SLC2A5: variants seen among roughly 807,000 people sequenced by gnomAD.
SLC2A5 encodes the protein solute carrier family 2 member 5.
In SLC2A5, 56 loss-of-function variants were observed where a neutral mutation model predicts 50.3. That is an observed-to-expected ratio of 1.11 (90% CI 0.90 to 1.39). SLC2A5 has a LOEUF of 1.39. Ranked by LOEUF, SLC2A5 falls within the 40% of genes most tolerant of loss-of-function variation. The pLI, the probability that SLC2A5 is intolerant of heterozygous loss-of-function variation, is 0.00. For missense variants in SLC2A5, 566 were observed against 650.1 expected (o/e 0.87, Z 1.41); for synonymous variants, 269 against 281.9 (o/e 0.95, Z 0.46).
intron 1 of SLC2A5, among the ~76,000 whole-genome samples, chr1:9,066,746 TGA>T (rs1642092796): frequency 6.6e-6 from 1 of 151,962 alleles, no homozygotes; most frequent in South Asian, 2.1e-4. Flanking sequence ...TTTGGGAGGC[TGA>T]GGCAGAAGGC....
chr1:9,078,986 GA>G (rs759553197), intron 2 of SLC2A5, among the ~76,000 whole-genome samples: 29 of 152,062 alleles, frequency 1.9e-4, no homozygotes, highest in Non-Finnish European at 2.4e-4. Context: ...GAAGGGAGAG[GA>G]GTGCATCCAG....
chr1:9,057,342 T>G, intron 3 of SLC2A5, 106 bp downstream of exon 3: 3 of 547,138 alleles, frequency 5.5e-6, no homozygotes, highest in Non-Finnish European at 8.8e-6. Context: ...ATGACCACAG[T>G]GGTTATTATC....
intron 2 of SLC2A5, among the ~76,000 whole-genome samples, chr1:9,080,969 G>A (rs950252833): frequency 1.3e-5 from 2 of 152,162 alleles, no homozygotes; most frequent in African/African-American, 4.8e-5. Context: ...GGTGGGTGAG[G>A]TTGCTCACGC....
At position 9,040,148 on chromosome 1, in the gene SLC2A5, G is replaced by A. The variant is rs1218772643; in HGVS notation, c.613C>T (p.Leu205=). The change falls in exon 6 of 12, where the codon CTG becomes TTG. Residue 205 remains leucine, a synonymous_variant. Coordinates refer to ENST00000377424, the MANE Select transcript of SLC2A5 (RefSeq NM_003039.3). This position sits in a 1 kb window ranked among gnomAD's most constrained non-coding sequence, Gnocchi z 4.3. ...LLGLTGVPAA[L]QLLLLPFFPE... ...AAGAAGGGCAGCAGAAGGAGCTGCAGCGCCGCGGGGACCCCGGTCAGCCCC... is the reference window on the plus strand; with the variant it reads ...AAGAAGGGCAGCAGAAGGAGCTGCAACGCCGCGGGGACCCCGGTCAGCCCC... The A allele has an allele frequency of 1.9e-6, 3 of 1,570,990 alleles. No homozygotes were observed.
Position 9,047,660 on chromosome 1 carries a change from G to A in SLC2A5, c.368C>T (p.Thr123Ile), listed in dbSNP as rs777813047. 1 of 1,614,044 alleles carries A rather than the reference G, an allele frequency of 6.2e-7. No individual in the cohort carries two copies. The highest frequency in any genetic ancestry group is 1.7e-5 in the Admixed American group (1 of 60,016). Residue 123 changes from threonine (T) to isoleucine (I), a missense_variant, in exon 4 of 12, where the codon ACA becomes ATA. Physicochemically the swap from Thr to Ile is moderately conservative, Grantham distance 89 (BLOSUM62 -1). Coordinates refer to ENST00000377424, the MANE Select transcript of SLC2A5 (RefSeq NM_003039.3). ...GGAAATAATGATAAGCTCAAATGATGTGGCGACTCTGCTGCATCCCATTAA... is the reference window on the plus strand; with the variant it reads ...GGAAATAATGATAAGCTCAAATGATATGGCGACTCTGCTGCATCCCATTAA... ...AILMGCSRVATSFELIIISRL... is the reference protein window; with the variant it reads ...AILMGCSRVAISFELIIISRL...
chr1:9,035,737 A>G lies in SLC2A5; in HGVS notation c.*1849T>C, dbSNP rs1641122153. On this transcript the variant is annotated 3_prime_UTR_variant, in exon 12 of 12. Coordinates refer to ENST00000377424, the MANE Select transcript of SLC2A5 (RefSeq NM_003039.3). Reference sequence around the variant, plus strand: ...TAGACCATTTTCATGCTGCTGATAAAGATGTATCAGAGACTGGGTAAATTG... The same window carrying G: ...TAGACCATTTTCATGCTGCTGATAAGGATGTATCAGAGACTGGGTAAATTG... 6.6e-6 allele frequency: 1 copy of G among 152,264 alleles called. No individual in the cohort carries two copies. Among genetic ancestry groups the G allele is most frequent in the East Asian group, 1.9e-4 (1 of 5,208 alleles). The allele number at this position is 152,264 out of a possible 1,614,324, so 9.4% of individuals were successfully genotyped here. A position where few individuals can be genotyped will look rare whatever the true frequency, so the allele number is the denominator to read the frequency against.
rs375618392 is a variant in SLC2A5, at chr1:9,079,879, T to TATTC, written c.-59+5131_-59+5134dup. On this transcript the variant is annotated intron_variant, in intron 2 of 5. Coordinates refer to the SLC2A5 transcript ENST00000464985. ...TGTACCAGTTGAGTTGTGGTAAGTA[T>TATTC]ATTCACATTGTTATGAAACAGATCT... 4.1e-3 allele frequency among the ~76,000 whole-genome samples: 625 copies of TATTC among 152,366 alleles called. 2 individuals are homozygous for TATTC. The highest frequency in any genetic ancestry group is 0.014 in the African/African-American group (592 of 41,588).
chr1:9,094,143 C>T, the SLC2A5 span, among the ~76,000 whole-genome samples: 1 of 152,158 alleles, frequency 6.6e-6, no homozygotes, highest in African/African-American at 2.4e-5. Flanking sequence ...GTTAAGCACC[C>T]CTCTGACCAT....
chr1:9,060,576 ACC>A (rs1641909580), intron 1 of SLC2A5, among the ~76,000 whole-genome samples: 1 of 121,058 alleles, frequency 8.3e-6, no homozygotes, highest in South Asian at 3.1e-4. Context: ...ACACATACAC[ACC>A]CACCCCCCAC....
intron 4 of SLC2A5, 134 bp downstream of exon 4, chr1:9,047,476 C>G: frequency 1.2e-6 from 1 of 829,898 alleles, no homozygotes; most frequent in Non-Finnish European, 1.9e-6. Context: ...GCTCAACCAT[C>G]TGTTTCACAG....
chr1:9,048,466 C>T (rs1021972631), intron 3 of SLC2A5, among the ~76,000 whole-genome samples: 7 of 151,970 alleles, frequency 4.6e-5, no homozygotes, highest in African/African-American at 1.4e-4. Context: ...GAGCTGAGAT[C>T]GTGCCACTGC....
intron 2 of SLC2A5, 109 bp from the exon 3 acceptor site, chr1:9,057,717 C>A: frequency 1.1e-6 from 1 of 903,950 alleles, no homozygotes; most frequent in Non-Finnish European, 1.7e-6. Context: ...CAGAGACCAA[C>A]CTTATTAACC....
At chr1:9,090,556 C>A (rs931897721), upstream of SLC2A5, among the ~76,000 whole-genome samples, 2 of 152,230 alleles carry the variant, frequency 1.3e-5, no homozygotes, top group Admixed American at 1.3e-4. Flanking sequence ...ATCAACTCCG[C>A]TTTTGTTCCT....
the SLC2A5 span, among the ~76,000 whole-genome samples, chr1:9,094,173 A>G: frequency 6.6e-6 from 1 of 152,170 alleles, no homozygotes; most frequent in Admixed American, 6.5e-5. Context: ...CCGGTTGACT[A>G]CCAAGTATTG....
chr1:9,079,822 C>T (rs533368060), intron 2 of SLC2A5, among the ~76,000 whole-genome samples: 10 of 152,176 alleles, frequency 6.6e-5, no homozygotes, highest in Admixed American at 5.2e-4. Context: ...TAACATAAAA[C>T]TTATCATTTT....
upstream of SLC2A5, among the ~76,000 whole-genome samples, chr1:9,074,170 G>A (rs550467283): frequency 5.3e-5 from 8 of 152,252 alleles, no homozygotes; most frequent in African/African-American, 1.9e-4. Flanking sequence ...TTGAGGTGGT[G>A]GTGGAGCGGA....
At chr1:9,089,957 T>A (rs548228338), upstream of SLC2A5, among the ~76,000 whole-genome samples, 4 of 152,268 alleles carry the variant, frequency 2.6e-5, no homozygotes, top group Non-Finnish European at 5.9e-5. Flanking sequence ...TTCCTTTCTT[T>A]TGGATACTGG....
upstream of SLC2A5, among the ~76,000 whole-genome samples, chr1:9,088,754 G>A (rs1642431874): frequency 6.6e-6 from 1 of 152,138 alleles, no homozygotes; most frequent in South Asian, 2.1e-4. Context: ...CTGCACTCCA[G>A]CCTGGGTGAT....
chr1:9,077,449 C>A (rs113737161), intron 2 of SLC2A5, among the ~76,000 whole-genome samples: 2,849 of 118,206 alleles, frequency 0.024, 55 homozygotes, highest in South Asian at 0.072. Context: ...AAAAAAAAAC[C>A]CCCAGAAAAG....
Sources: allele counts gnomAD v4.1 joint callset (sites outside exome capture counted in the v4.1 genomes callset), GRCh38; gene constraint gnomAD v4.1.1; non-coding constraint Gnocchi (gnomAD v3.1); transcripts MANE v1.5; gene names NCBI Gene and HGNC (gene_info 2026-07-23, HGNC 2026-07-21).